KCNQ1: variants seen among roughly 807,000 people sequenced by gnomAD.
KCNQ1 encodes potassium voltage-gated channel subfamily Q member 1.
Under a neutral mutation model 72.4 loss-of-function variants are expected in KCNQ1, and 49 were observed. The observed-to-expected ratio is 0.68, with a 90% CI of 0.54 to 0.86. The LOEUF (loss-of-function observed/expected upper bound fraction) is 0.86, where lower values mean the gene tolerates loss of function less well. KCNQ1 is among the 40% of genes least tolerant of loss of function. The probability of loss-of-function intolerance (pLI) is 0.00; values close to 1 mark genes in which losing one functional copy is unlikely to be tolerated. For missense variants in KCNQ1, 790 were observed against 945.1 expected (o/e 0.84, Z 2.15); for synonymous variants, 450 against 412.6 (o/e 1.09, Z -1.10).
At chr11:2,542,654 T>C (rs901636202) in intron 2 of KCNQ1, among the ~76,000 whole-genome samples, 1 of 152,232 alleles carries the variant, frequency 6.6e-6, no homozygotes, top group African/African-American at 2.4e-5. Flanking sequence ...CTGGTCTGTC[T>C]TGTCAGTGTA....
chr11:2,660,909 A>G (rs540396049), intron 10 of KCNQ1: 87 of 398,660 alleles, frequency 2.2e-4, no homozygotes, highest in African/African-American at 1.4e-3. Context: ...AAGCAGCTTA[A>G]AACTATAAGA....
In KCNQ1 at chr11:2,676,539, T is replaced by C. The variant is rs1850298141; in HGVS notation, c.1514+14458T>C. 5.0e-6 allele frequency: 2 copies of C among 398,524 alleles called. No individual in the cohort carries two copies. The highest frequency in any genetic ancestry group is 4.4e-5 in the Admixed American group (1 of 22,718). 24.7% of individuals were successfully genotyped at this position (398,524 alleles called of 1,614,324 possible). A position where few individuals can be genotyped will look rare whatever the true frequency, so the allele number is the denominator to read the frequency against. ...TTGGCAAAAGGCATAGAGGTAGTGG[T>C]ACAGGAAAGGTCTAAGAAGGCTAAG... On this transcript the variant is annotated intron_variant, in intron 11 of 15. Transcript: ENST00000155840. This position sits in a 1 kb window ranked among gnomAD's most constrained non-coding sequence, Gnocchi z 4.2.
chr11:2,840,027 A>AC (rs1848170670), intron 15 of KCNQ1: 1 of 152,028 alleles, frequency 6.6e-6, no homozygotes, highest in Non-Finnish European at 1.5e-5. Context: ...TGGGGCACCG[A>AC]CCCCCGAACT....
intron 1 of KCNQ1, among the ~76,000 whole-genome samples, chr11:2,520,603 C>A (rs1847365478): frequency 6.6e-6 from 1 of 152,102 alleles, no homozygotes; most frequent in Non-Finnish European, 1.5e-5. Flanking sequence ...GGCTGTGAGA[C>A]CTCTGCCCCT....
rs1004721412 is a variant in KCNQ1 at position 2,620,820 on chromosome 11, G to A, written c.1393+31966G>A. 26 of 398,370 alleles carry A rather than the reference G, an allele frequency of 6.5e-5. No individual in the cohort carries two copies. Among genetic ancestry groups the A allele is most frequent in the South Asian group, 6.4e-4 (5 of 7,862 alleles). The allele number at this position is 398,370 out of a possible 1,614,324, so 24.7% of individuals were successfully genotyped here. ...GTATTCCTGCCAACAGTGTATAAGC[G>A]TTCCCTTTTCTCTGCAGCCTTCCCA... is the stretch of plus-strand genomic sequence containing the variant. On this transcript the variant is annotated intron_variant, in intron 10 of 15. Transcript: ENST00000155840. The surrounding 1 kb of genome is among the most constrained non-coding windows in gnomAD (Gnocchi z 4.5).
chr11:2,461,447 C>T, intron 1 of KCNQ1: 2 of 1,284,506 alleles, frequency 1.6e-6, no homozygotes, highest in Non-Finnish European at 2.0e-6. Flanking sequence ...TCTTCCCTTC[C>T]TCCCCTGCAG....
At position 2,571,371 on chromosome 11, in the gene KCNQ1, C is replaced by T; in HGVS notation, c.651C>T (p.Ser217=). 6.2e-7 allele frequency: 1 copy of T among 1,612,998 alleles called. No individual in the cohort carries two copies. Among genetic ancestry groups the T allele is most frequent in the Non-Finnish European group, 8.5e-7 (1 of 1,179,972 alleles). Residue 217 remains serine, a synonymous_variant, in exon 4 of 16, where the codon TCC becomes TCT. Coordinates refer to ENST00000155840, the MANE Select transcript of KCNQ1 (RefSeq NM_000218.3). The part of the protein sequence containing the change: ...VASMVVLCVG[S]KGQVFATSAI... Reference sequence around the variant, plus strand: ...CCATGGTGGTCCTCTGCGTGGGCTCCAAGGGGCAGGTGTTTGCCACGTCGG... The same window carrying T: ...CCATGGTGGTCCTCTGCGTGGGCTCTAAGGGGCAGGTGTTTGCCACGTCGG...
chr11:2,480,244 C>T (rs543365765), intron 1 of KCNQ1, among the ~76,000 whole-genome samples: 87 of 152,270 alleles, frequency 5.7e-4, no homozygotes, highest in African/African-American at 1.6e-3. Flanking sequence ...TCTTTACAGC[C>T]GCACCCCACT....
In KCNQ1 at chr11:2,713,479, T is replaced by C. The variant is rs1417851852; in HGVS notation, c.1514+51398T>C. Among the ~76,000 whole-genome samples the C allele has an allele frequency of 6.6e-6, 1 of 152,232 alleles. No individual in the cohort carries two copies. The highest frequency in any genetic ancestry group is 1.5e-5 in the Non-Finnish European group (1 of 68,040). ...AGTCACAGCCATTGTAGATTTTGAT[T>C]AATCGCCATCCCCATTATTTCTTCA... On this transcript the variant is annotated intron_variant, in intron 11 of 15. Transcript: ENST00000155840. This position sits in a 1 kb window ranked among gnomAD's most constrained non-coding sequence, Gnocchi z 5.6.
At chr11:2,650,380 G>C (rs771164315) in intron 10 of KCNQ1, 18 of 398,448 alleles carry the variant, frequency 4.5e-5, no homozygotes, top group Non-Finnish European at 8.0e-5. Context: ...GAATAACAGA[G>C]ACTTCCAATT....
At chr11:2,546,002 ATTAATT>A (rs1416153230) in intron 2 of KCNQ1, among the ~76,000 whole-genome samples, 1 of 151,756 alleles carries the variant, frequency 6.6e-6, no homozygotes, top group African/African-American at 2.4e-5. Context: ...TGGTTATTTG[ATTAATT>A]TTAATTATTT....
intron 1 of KCNQ1, among the ~76,000 whole-genome samples, chr11:2,499,769 C>T (rs539926780): frequency 6.6e-6 from 1 of 152,240 alleles, no homozygotes; most frequent in African/African-American, 2.4e-5. Context: ...GACGATATAA[C>T]AATTTCAAAG....
At chr11:2,821,957 C>T (rs1287133245) in intron 15 of KCNQ1, among the ~76,000 whole-genome samples, 3 of 152,094 alleles carry the variant, frequency 2.0e-5, no homozygotes, top group Admixed American at 6.5e-5. Flanking sequence ...GTGAAGGATC[C>T]AGAGATGGGG....
intron 9 of KCNQ1, among the ~76,000 whole-genome samples, chr11:2,587,921 C>T (rs538828962): frequency 6.6e-6 from 1 of 152,286 alleles, no homozygotes; most frequent in South Asian, 2.1e-4. Context: ...AGGGCCAGGG[C>T]ATGAGAGCTC....
rs759729214 is a variant in KCNQ1 at position 2,486,484 on chromosome 11, A to G, written c.386+41000A>G. Among the ~76,000 whole-genome samples, 2 of 152,166 alleles carry G rather than the reference A, an allele frequency of 1.3e-5. No homozygotes were observed. The highest frequency in any genetic ancestry group is 2.9e-5 in the Non-Finnish European group (2 of 68,028). Reference sequence around the variant, plus strand: ...CCGTTGATAGTGTCTTTGTACAAAAATTTTTAATGTTCACGAAGTCCAAGT... The same window carrying G: ...CCGTTGATAGTGTCTTTGTACAAAAGTTTTTAATGTTCACGAAGTCCAAGT... On this transcript the variant is annotated intron_variant, in intron 1 of 15. Coordinates refer to ENST00000155840, the MANE Select transcript of KCNQ1 (RefSeq NM_000218.3). This position sits in a 1 kb window ranked among gnomAD's most constrained non-coding sequence, Gnocchi z 5.0.
intron 15 of KCNQ1, among the ~76,000 whole-genome samples, chr11:2,811,582 G>A (rs568793176): frequency 9.2e-5 from 14 of 152,358 alleles, no homozygotes; most frequent in East Asian, 1.9e-4. Flanking sequence ...CTTGCCGAGC[G>A]TCAGGGTGGC....
At chr11:2,737,288 G>A (rs928286938) in intron 11 of KCNQ1, among the ~76,000 whole-genome samples, 5 of 152,138 alleles carry the variant, frequency 3.3e-5, no homozygotes, top group Non-Finnish European at 7.4e-5. Flanking sequence ...GAGAGCCCCG[G>A]GCAGCTGCTG....
At chr11:2,756,951 TAAAAAAAAAAAAA>T (rs58284663) in intron 11 of KCNQ1, among the ~76,000 whole-genome samples, 7 of 50,984 alleles carry the variant, frequency 1.4e-4, no homozygotes, top group South Asian at 1.2e-3. Context: ...AAGAGCATCT[TAAAAAAAAAAAAA>T]AAAAAAAAAA....
chr11:2,627,944 G>T lies in KCNQ1; in HGVS notation c.1394-34017G>T, dbSNP rs1849287735. The T allele has an allele frequency of 2.5e-6, 1 of 398,464 alleles. No individual in the cohort carries two copies. The highest frequency in any genetic ancestry group is 4.4e-6 in the Non-Finnish European group (1 of 226,056). 24.7% of individuals were successfully genotyped at this position (398,464 alleles called of 1,614,324 possible). ...TTTTAAAATTTTATGTAGAGATAGG[G>T]TATCACTATGTTTCCTAGGCTGGTC... On this transcript the variant is annotated intron_variant, in intron 10 of 15. Coordinates refer to ENST00000155840, the MANE Select transcript of KCNQ1 (RefSeq NM_000218.3). The surrounding 1 kb of genome is among the most constrained non-coding windows in gnomAD (Gnocchi z 4.9).
Sources: gnomAD v4.1 joint callset for allele counts (sites outside exome capture counted in the v4.1 genomes callset) on GRCh38, gnomAD v4.1.1 for gene constraint, Gnocchi (gnomAD v3.1) non-coding constraint, MANE v1.5 for transcripts, NCBI Gene and HGNC (gene_info 2026-07-23, HGNC 2026-07-21) for gene names.